CAST: variants seen among roughly 807,000 people sequenced by gnomAD.
The protein encoded by CAST is MIR583 host.
In CAST, 76 loss-of-function variants were observed where a neutral mutation model predicts 119.6. The ratio of observed to expected loss-of-function variants is 0.64; its 90% CI spans 0.53 to 0.77. The LOEUF is 0.77. Among genes scored for constraint, CAST ranks in the 30% least tolerant of loss-of-function variants. The pLI, the probability that CAST is intolerant of heterozygous loss-of-function variation, is 0.00. For synonymous variants in CAST, 319 were observed against 331.6 expected, an observed-to-expected ratio of 0.96 and a Z score of 0.41; for missense variants, 953 against 946.5, an observed-to-expected ratio of 1.01 and a Z score of -0.09.
chr5:96,664,493 C>G (rs1025581726), intron 1 of CAST, among the ~76,000 whole-genome samples: 20 of 152,062 alleles, frequency 1.3e-4, no homozygotes, highest in Non-Finnish European at 4.4e-5. Flanking sequence ...AACTCCTGGT[C>G]TCAAGCAATC....
chr5:96,756,719 A>G (rs1400055543), intron 22 of CAST, among the ~76,000 whole-genome samples: 1 of 152,216 alleles, frequency 6.6e-6, no homozygotes, highest in Non-Finnish European at 1.5e-5. Context: ...CTCAGGTGAA[A>G]TATTCATATA....
chr5:96,424,688 T>A, the CAST span, among the ~76,000 whole-genome samples: 365 of 152,204 alleles, frequency 2.4e-3, 3 homozygotes, highest in African/African-American at 8.4e-3. Context: ...AGAGGCCCGG[T>A]GCGGTGGCTC....
At chr5:96,636,130 AC>A in intron 1 of CAST, among the ~76,000 whole-genome samples, 1 of 152,114 alleles carries the variant, frequency 6.6e-6, no homozygotes, top group Admixed American at 6.5e-5. Flanking sequence ...TATAAAAAGT[AC>A]TCCCCACTGA....
intron 1 of CAST, among the ~76,000 whole-genome samples, chr5:96,675,281 A>G (rs1197927533): frequency 1.3e-5 from 2 of 152,160 alleles, no homozygotes; most frequent in Non-Finnish European, 1.5e-5. Context: ...TTTGCAGGAG[A>G]CAAGATGCCG....
At chr5:96,094,129 C>G in the CAST span, among the ~76,000 whole-genome samples, 1 of 152,184 alleles carries the variant, frequency 6.6e-6, no homozygotes, top group Admixed American at 6.5e-5. Flanking sequence ...TTGTTAAATA[C>G]ACAGAAAAAG....
chr5:96,455,556 G>A, the CAST span, among the ~76,000 whole-genome samples: 8 of 152,204 alleles, frequency 5.3e-5, no homozygotes, highest in African/African-American at 1.9e-4. Flanking sequence ...CAGCTAAGGA[G>A]GGTCTTAGCT....
upstream of CAST, among the ~76,000 whole-genome samples, chr5:96,523,063 T>C (rs1037444135): frequency 6.6e-6 from 1 of 152,280 alleles, no homozygotes. Context: ...ACTTTTGCTG[T>C]CCAGGTTTTT....
the CAST span, among the ~76,000 whole-genome samples, chr5:95,983,568 T>C: frequency 6.6e-6 from 1 of 152,232 alleles, no homozygotes; most frequent in Non-Finnish European, 1.5e-5. Flanking sequence ...TACTTTAAAA[T>C]ACGCCATCAA....
chr5:96,015,620 A>C, the CAST span, among the ~76,000 whole-genome samples: 1 of 152,170 alleles, frequency 6.6e-6, no homozygotes, highest in African/African-American at 2.4e-5. Flanking sequence ...TGATTTGCCA[A>C]CCTTATCCAG....
At chr5:96,464,693 G>A in the CAST span, among the ~76,000 whole-genome samples, 4 of 151,990 alleles carry the variant, frequency 2.6e-5, no homozygotes, top group East Asian at 5.8e-4. Flanking sequence ...ATTGTGAAAC[G>A]TAATACAGTA....
At chr5:96,478,432 G>A in the CAST span, among the ~76,000 whole-genome samples, 1 of 152,198 alleles carries the variant, frequency 6.6e-6, no homozygotes, top group Non-Finnish European at 1.5e-5. Flanking sequence ...GATGTAAAGT[G>A]AAAAATACCC....
the CAST span, among the ~76,000 whole-genome samples, chr5:96,204,072 G>C: frequency 3.3e-5 from 5 of 152,004 alleles, no homozygotes; most frequent in South Asian, 1.0e-3. Context: ...TATTGAAAAG[G>C]GGAGAGTGAT....
chr5:96,513,847 C>T, the CAST span, among the ~76,000 whole-genome samples: 7 of 152,156 alleles, frequency 4.6e-5, no homozygotes, highest in African/African-American at 1.7e-4. Flanking sequence ...AGGTTAGAAG[C>T]CCCACATCAA....
At chr5:96,244,601 A>G in the CAST span, among the ~76,000 whole-genome samples, 28 of 152,222 alleles carry the variant, frequency 1.8e-4, no homozygotes, top group Admixed American at 5.9e-4. Flanking sequence ...AAGTCTGTAA[A>G]TAATATTTAC....
intron 1 of CAST, among the ~76,000 whole-genome samples, chr5:96,540,392 A>T (rs182182584): frequency 6.6e-6 from 1 of 151,998 alleles, no homozygotes; most frequent in Non-Finnish European, 1.5e-5. Flanking sequence ...TGTCTGAAAC[A>T]GTATTTATTT....
At chr5:96,365,395 C>T in the CAST span, among the ~76,000 whole-genome samples, 26 of 152,228 alleles carry the variant, frequency 1.7e-4, no homozygotes, top group East Asian at 1.4e-3. Flanking sequence ...CTTTCTGTCT[C>T]GTTGATCTGT....
the CAST span, among the ~76,000 whole-genome samples, chr5:96,290,630 A>G: frequency 3.2e-4 from 49 of 152,218 alleles, no homozygotes; most frequent in Non-Finnish European, 1.2e-4. Context: ...AGTGAAGCTC[A>G]AAGAACACAG....
the CAST span, among the ~76,000 whole-genome samples, chr5:96,303,510 T>G: frequency 1.3e-5 from 2 of 152,210 alleles, no homozygotes; most frequent in Non-Finnish European, 2.9e-5. Flanking sequence ...GTGCAGAATG[T>G]GCAGGTTTGT....
chr5:96,165,565 G>A, the CAST span, among the ~76,000 whole-genome samples: 1 of 151,958 alleles, frequency 6.6e-6, no homozygotes, highest in Non-Finnish European at 1.5e-5. Context: ...ATATAAAGAA[G>A]GTATATCATG....
Sources: gnomAD v4.1 joint callset for allele counts (sites outside exome capture counted in the v4.1 genomes callset) on GRCh38, gnomAD v4.1.1 for gene constraint, MANE v1.5 for transcripts, NCBI Gene and HGNC (gene_info 2026-07-23, HGNC 2026-07-21) for gene names.